BDKRB2: variants seen among roughly 807,000 people sequenced by gnomAD.
BDKRB2 encodes B2 bradykinin receptor.
Under a neutral mutation model 4.0 loss-of-function variants are expected in BDKRB2, and 6 were observed. The observed-to-expected ratio is 1.49, with a 90% CI of 0.81 to 2.93. The LOEUF (loss-of-function observed/expected upper bound fraction) is 2.93, where lower values mean the gene tolerates loss of function less well. Ranked by LOEUF, BDKRB2 falls within the 30% of genes most tolerant of loss-of-function variation. The pLI, the probability that BDKRB2 is intolerant of heterozygous loss-of-function variation, is 0.00. For missense variants in BDKRB2, 478 were observed against 520.1 expected (o/e 0.92, Z 0.79); for synonymous variants, 225 against 215.3 (o/e 1.05, Z -0.40).
chr14:96,237,971 C>T (rs556551390), intron 2 of BDKRB2: 14 of 1,185,542 alleles, frequency 1.2e-5, no homozygotes, highest in Non-Finnish European at 1.4e-5. Flanking sequence ...CAGGGGTATG[C>T]AGGAAATGGG....
At chr14:96,209,351 G>A (rs906696688) in intron 1 of BDKRB2, among the ~76,000 whole-genome samples, 2 of 152,204 alleles carry the variant, frequency 1.3e-5, no homozygotes, top group African/African-American at 4.8e-5. Flanking sequence ...GAGACTTAGT[G>A]TTGTAAATCA....
chr14:96,237,700 C>T, intron 2 of BDKRB2: 1 of 1,288,986 alleles, frequency 7.8e-7, no homozygotes, highest in Non-Finnish European at 1.0e-6. Context: ...ACTCCAACCT[C>T]TCCACCCTGC....
At chr14:96,206,487 A>G (rs1275582480) in intron 1 of BDKRB2, among the ~76,000 whole-genome samples, 1 of 152,118 alleles carries the variant, frequency 6.6e-6, no homozygotes, top group Non-Finnish European at 1.5e-5. Flanking sequence ...GGCCTGCATG[A>G]TGGATCTGAG....
intron 2 of BDKRB2, chr14:96,240,015 G>A: frequency 9.9e-7 from 1 of 1,007,906 alleles, no homozygotes; most frequent in Non-Finnish European, 1.2e-6. Flanking sequence ...GGCTTTGAGA[G>A]GCTCAAAGGT....
Position 96,244,040 on chromosome 14 carries a change from T to C in BDKRB2, c.*2536T>C, listed in dbSNP as rs200538131. 5.0e-6 allele frequency: 2 copies of C among 396,470 alleles called. No individual in the cohort carries two copies. The highest frequency in any genetic ancestry group is 8.9e-6 in the Non-Finnish European group (2 of 225,212). 24.6% of individuals were successfully genotyped at this position (396,470 alleles called of 1,614,324 possible). On this transcript the variant is annotated 3_prime_UTR_variant, in exon 3 of 3. Coordinates refer to ENST00000554311, the MANE Select transcript of BDKRB2 (RefSeq NM_001379692.1). Reference sequence around the variant, plus strand: ...GGTGTAGATGCCCTGATAAAGAACATCTGTCCTGTGAAAGACTCAATGAGC... The same window carrying C: ...GGTGTAGATGCCCTGATAAAGAACACCTGTCCTGTGAAAGACTCAATGAGC...
At chr14:96,235,955 C>A (rs946560983) in intron 1 of BDKRB2, among the ~76,000 whole-genome samples, 16 of 152,232 alleles carry the variant, frequency 1.1e-4, no homozygotes, top group African/African-American at 3.9e-4. Flanking sequence ...TTAAGCCCCA[C>A]CTCTAGCCAT....
chr14:96,214,029 G>A (rs1459400418), intron 1 of BDKRB2, among the ~76,000 whole-genome samples: 1 of 152,166 alleles, frequency 6.6e-6, no homozygotes, highest in African/African-American at 2.4e-5. Flanking sequence ...AGGAGCTGGG[G>A]CTGGAGAGAT....
At chr14:96,219,662 T>G (rs1328976008) in intron 1 of BDKRB2, among the ~76,000 whole-genome samples, 2 of 151,928 alleles carry the variant, frequency 1.3e-5, no homozygotes, top group East Asian at 1.9e-4. Flanking sequence ...GCATCATTAC[T>G]TGTCCTTTCA....
chr14:96,235,251 G>T (rs1890904195), intron 1 of BDKRB2, among the ~76,000 whole-genome samples: 1 of 149,368 alleles, frequency 6.7e-6, no homozygotes. Context: ...AGGAGGCTGA[G>T]ACAGGAGAAT....
chr14:96,213,188 C>T (rs528514970), intron 1 of BDKRB2, among the ~76,000 whole-genome samples: 11 of 152,266 alleles, frequency 7.2e-5, no homozygotes, highest in Non-Finnish European at 2.9e-5. Flanking sequence ...TATGAAAGTA[C>T]CCAGACTGTG....
intron 1 of BDKRB2, among the ~76,000 whole-genome samples, chr14:96,207,305 A>C (rs547727763): frequency 7.9e-5 from 12 of 152,364 alleles, no homozygotes; most frequent in African/African-American, 2.9e-4. Context: ...AGCAGGCAAT[A>C]AAAAAGCATA....
At chr14:96,235,154 C>A (rs1021972591) in intron 1 of BDKRB2, among the ~76,000 whole-genome samples, 5 of 152,042 alleles carry the variant, frequency 3.3e-5, no homozygotes, top group Non-Finnish European at 5.9e-5. Flanking sequence ...TCGAGACCAA[C>A]CTGGCCAACA....
In BDKRB2 at chr14:96,240,427, G is replaced by T. The variant is rs750309210; in HGVS notation, c.99G>T (p.Leu33Phe). The change falls in exon 3 of 3, where the codon TTG becomes TTT. Residue 33 changes from leucine to phenylalanine, a missense_variant. By Grantham distance (22) the Leu-to-Phe change is conservative. Coordinates refer to ENST00000554311, the MANE Select transcript of BDKRB2 (RefSeq NM_001379692.1). ...SFSADMLNVT[L>F]QGPTLNGTFA... ...GCGCCGACATGCTCAATGTCACCTT[G>T]CAAGGGCCCACTCTTAACGGGACCT... is the stretch of plus-strand genomic sequence containing the variant. 3 of 1,467,492 alleles carry T rather than the reference G, an allele frequency of 2.0e-6. No homozygotes were observed. The highest frequency in any genetic ancestry group is 4.9e-5 in the East Asian group (2 of 41,182). 90.9% of individuals were successfully genotyped at this position (1,467,492 alleles called of 1,614,324 possible). A position where few individuals can be genotyped will look rare whatever the true frequency, so the allele number is the denominator to read the frequency against.
chr14:96,240,021 A>G (rs1277281241), intron 2 of BDKRB2: 36 of 1,009,320 alleles, frequency 3.6e-5, no homozygotes, highest in Non-Finnish European at 4.3e-5. Flanking sequence ...GAGAGGCTCA[A>G]AGGTGACCAA....
chr14:96,214,001 G>C (rs1890361278), intron 1 of BDKRB2, among the ~76,000 whole-genome samples: 1 of 152,182 alleles, frequency 6.6e-6, no homozygotes, highest in Non-Finnish European at 1.5e-5. Flanking sequence ...GGGGCAGGGA[G>C]GGGACAGGAG....
rs184806466 is a variant in BDKRB2, at chr14:96,211,894, T to C, written c.-40+6935T>C. On this transcript the variant is annotated intron_variant, in intron 1 of 2. Transcript: ENST00000554311. ...CTACTCTGAAATACTGTGAGGCTAT[T>C]GAAAAGCAAGGTGGGTCGACAGATT... is the stretch of plus-strand genomic sequence containing the variant. Among the ~76,000 whole-genome samples, 284 of 152,276 alleles carry C rather than the reference T, an allele frequency of 1.9e-3. 1 individual carries two copies. Among genetic ancestry groups the C allele is most frequent in the African/African-American group, 6.5e-3 (271 of 41,548 alleles).
intron 1 of BDKRB2, among the ~76,000 whole-genome samples, chr14:96,221,762 T>C (rs1348179358): frequency 1.3e-5 from 2 of 151,994 alleles, no homozygotes; most frequent in Non-Finnish European, 2.9e-5. Flanking sequence ...ACAGAAAGCC[T>C]GACTCTAGAA....
intron 1 of BDKRB2, among the ~76,000 whole-genome samples, chr14:96,225,658 GA>G (rs1201456983): frequency 2.0e-5 from 3 of 152,110 alleles, no homozygotes; most frequent in Non-Finnish European, 4.4e-5. Flanking sequence ...TGCAGATAGG[GA>G]TAAAACTCCA....
chr14:96,216,574 A>G (rs1460731779), intron 1 of BDKRB2, among the ~76,000 whole-genome samples: 1 of 151,756 alleles, frequency 6.6e-6, no homozygotes, highest in African/African-American at 2.4e-5. Flanking sequence ...GGTGAGTTAT[A>G]ATTGTACCAC....
Sources: gnomAD v4.1 joint callset for allele counts (sites outside exome capture counted in the v4.1 genomes callset) on GRCh38, gnomAD v4.1.1 for gene constraint, MANE v1.5 for transcripts, NCBI Gene and HGNC (gene_info 2026-07-23, HGNC 2026-07-21) for gene names.